RABGAP1L: variants seen among roughly 807,000 people sequenced by gnomAD.
RABGAP1L encodes rab GTPase-activating protein 1-like.
A neutral mutation model predicts 137.7 loss-of-function variants in RABGAP1L; 63 were observed. That is an observed-to-expected ratio of 0.46 (90% CI 0.37 to 0.56). The LOEUF is 0.56. Among genes scored for constraint, RABGAP1L ranks in the 20% least tolerant of loss-of-function variants. The pLI is 0.00. For missense variants in RABGAP1L, 1,095 were observed against 1,244.0 expected, an observed-to-expected ratio of 0.88 and a Z score of 1.80; for synonymous variants, 431 against 433.7, an observed-to-expected ratio of 0.99 and a Z score of 0.08.
chr1:174,287,082 C>T (rs1208939070), intron 10 of RABGAP1L, among the ~76,000 whole-genome samples: 1 of 151,948 alleles, frequency 6.6e-6, no homozygotes, highest in African/African-American at 2.4e-5. Context: ...CTGTTGATTC[C>T]TTATGATTTT....
intron 13 of RABGAP1L, among the ~76,000 whole-genome samples, chr1:174,444,187 G>T (rs1176681553): frequency 2.7e-5 from 4 of 148,506 alleles, no homozygotes; most frequent in Non-Finnish European, 6.0e-5. Flanking sequence ...CAAATTTTAG[G>T]TTTTTTTTTT....
chr1:174,466,929 G>A (rs572629457), intron 13 of RABGAP1L, among the ~76,000 whole-genome samples: 2 of 152,238 alleles, frequency 1.3e-5, no homozygotes, highest in African/African-American at 4.8e-5. Context: ...CCTAATAATT[G>A]TATTGGCTTT....
intron 13 of RABGAP1L, among the ~76,000 whole-genome samples, chr1:174,457,843 A>T (rs1361334995): frequency 6.6e-6 from 1 of 152,026 alleles, no homozygotes; most frequent in African/African-American, 2.4e-5. Context: ...TTGTTTTCCT[A>T]ATATTTGTCT....
chr1:174,207,046 A>G (rs1668558884), intron 1 of RABGAP1L, among the ~76,000 whole-genome samples: 1 of 152,182 alleles, frequency 6.6e-6, no homozygotes, highest in Non-Finnish European at 1.5e-5. Flanking sequence ...GATACATACC[A>G]GATTTTCTAT....
At chr1:174,237,723 T>C (rs1387061990) in intron 4 of RABGAP1L, among the ~76,000 whole-genome samples, 6 of 107,092 alleles carry the variant, frequency 5.6e-5, no homozygotes, top group Non-Finnish European at 1.1e-4. Context: ...TCATTTCAAC[T>C]TTGGTGAATC....
At chr1:174,932,537 C>T (rs1489365876) in intron 19 of RABGAP1L, among the ~76,000 whole-genome samples, 14 of 152,070 alleles carry the variant, frequency 9.2e-5, no homozygotes, top group Non-Finnish European at 1.8e-4. Flanking sequence ...TAATTTGTCT[C>T]ATTGGCTGGT....
At chr1:174,783,102 C>A (rs1300430029) in intron 18 of RABGAP1L, among the ~76,000 whole-genome samples, 1 of 152,064 alleles carries the variant, frequency 6.6e-6, no homozygotes, top group Non-Finnish European at 1.5e-5. Flanking sequence ...CATCGCAGAC[C>A]CACCGTTGAC....
intron 14 of RABGAP1L, 146 bp downstream of exon 14, chr1:174,637,634 T>C (rs1485205855): frequency 5.0e-6 from 3 of 595,992 alleles, no homozygotes; most frequent in Non-Finnish European, 8.9e-6. Context: ...AGATCCTCAG[T>C]ACTGATCCCA....
intron 18 of RABGAP1L, among the ~76,000 whole-genome samples, chr1:174,781,642 A>G (rs1342915733): frequency 1.3e-5 from 2 of 152,188 alleles, no homozygotes; most frequent in African/African-American, 2.4e-5. Flanking sequence ...GTCCTTGCCC[A>G]TGCTTATGTC....
Position 174,674,939 on chromosome 1 carries a change from G to GT in RABGAP1L, c.1825-8577dup, listed in dbSNP as rs980614832. Among the ~76,000 whole-genome samples, 456 of 152,252 alleles carry GT rather than the reference G, an allele frequency of 3.0e-3. 9 individuals carry two copies. Among genetic ancestry groups the GT allele is most frequent in the Admixed American group, 0.026 (401 of 15,288 alleles). ...CACCCACTTTTTGATGGGGTTGTTT[G>GT]TTTTTTACTTGTAAATTTGTTTGAG... On this transcript the variant is annotated intron_variant, in intron 14 of 25. Coordinates refer to ENST00000681986, the MANE Select transcript of RABGAP1L (RefSeq NM_001366446.1).
At chr1:174,965,083 C>T in intron 20 of RABGAP1L, 1 of 828,042 alleles carries the variant, frequency 1.2e-6, no homozygotes, top group Admixed American at 2.7e-5. Context: ...ACCAAACTTT[C>T]CCAGCTGTAC....
chr1:174,464,882 T>C (rs1032550586), intron 13 of RABGAP1L, among the ~76,000 whole-genome samples: 2 of 152,184 alleles, frequency 1.3e-5, no homozygotes, highest in Non-Finnish European at 2.9e-5. Flanking sequence ...TGATAACTTA[T>C]GGATACAGCC....
chr1:174,874,510 A>G lies in RABGAP1L; in HGVS notation c.2340+62550A>G. The G allele has an allele frequency of 1.0e-6, 1 of 983,030 alleles. No homozygotes were observed. Among genetic ancestry groups the G allele is most frequent in the Non-Finnish European group, 1.2e-6 (1 of 829,362 alleles). The allele number at this position is 983,030 out of a possible 1,614,324, so 60.9% of individuals were successfully genotyped here. ...CTGTTTTGATACTCTTCTCCTGGTA[A>G]GTTTTAGCTTCAAATGGTATTGTCC... On this transcript the variant is annotated intron_variant, in intron 19 of 25. Transcript: ENST00000681986.
At chr1:174,498,820 A>G (rs1384544483) in intron 13 of RABGAP1L, among the ~76,000 whole-genome samples, 1 of 151,900 alleles carries the variant, frequency 6.6e-6, no homozygotes, top group Non-Finnish European at 1.5e-5. Flanking sequence ...CTGAAACAAA[A>G]TTTTAATTGT....
chr1:174,424,687 A>G (rs964989586), intron 13 of RABGAP1L, among the ~76,000 whole-genome samples: 1 of 151,928 alleles, frequency 6.6e-6, no homozygotes, highest in East Asian at 1.9e-4. Flanking sequence ...TATTGCTACT[A>G]TGAAAAACAG....
chr1:174,551,165 C>T (rs1413345323), intron 13 of RABGAP1L, among the ~76,000 whole-genome samples: 3 of 149,708 alleles, frequency 2.0e-5, no homozygotes, highest in African/African-American at 2.5e-5. Context: ...GCTGAGATCG[C>T]ACCACTGCAC....
chr1:174,503,984 T>C (rs1343596652), intron 13 of RABGAP1L, among the ~76,000 whole-genome samples: 3 of 151,806 alleles, frequency 2.0e-5, no homozygotes, highest in Admixed American at 1.3e-4. Flanking sequence ...CTTTTCTTTT[T>C]TTTTTTGTGA....
chr1:174,365,636 G>T (rs963294389), intron 11 of RABGAP1L, among the ~76,000 whole-genome samples: 2 of 152,168 alleles, frequency 1.3e-5, no homozygotes, highest in African/African-American at 4.8e-5. Context: ...TCAATGTGAA[G>T]TCCCCCAGTT....
At chr1:174,612,268 A>T (rs150622897) in intron 13 of RABGAP1L, among the ~76,000 whole-genome samples, 3,434 of 152,232 alleles carry the variant, frequency 0.023, 60 homozygotes, top group Middle Eastern at 0.085. Context: ...AGCATGAAGC[A>T]TTGTTGAATT....
Sources: allele counts gnomAD v4.1 joint callset (sites outside exome capture counted in the v4.1 genomes callset), GRCh38; gene constraint gnomAD v4.1.1; transcripts MANE v1.5; gene names NCBI Gene and HGNC (gene_info 2026-07-23, HGNC 2026-07-21).